EML4: variants seen among roughly 807,000 people sequenced by gnomAD.
EML4 encodes echinoderm microtubule-associated protein-like 4.
A neutral mutation model predicts 129.0 loss-of-function variants in EML4; 72 were observed. That is an observed-to-expected ratio of 0.56 (90% CI 0.46 to 0.68). EML4 has a LOEUF of 0.68. EML4 is among the 30% of genes least tolerant of loss of function. The pLI is 0.00. For synonymous variants in EML4, 532 were observed against 405.0 expected, an observed-to-expected ratio of 1.31 and a Z score of -3.77; for missense variants, 1,363 against 1,190.6, an observed-to-expected ratio of 1.14 and a Z score of -2.13.
intron 6 of EML4, among the ~76,000 whole-genome samples, chr2:42,268,042 T>A (rs544607832): frequency 1.3e-5 from 2 of 152,292 alleles, no homozygotes; most frequent in East Asian, 3.9e-4. Flanking sequence ...GGAAAATAGA[T>A]AACAATTTGA....
At chr2:42,305,642 C>A (rs1479171692) in intron 17 of EML4, among the ~76,000 whole-genome samples, 2 of 152,276 alleles carry the variant, frequency 1.3e-5, no homozygotes, top group Admixed American at 6.5e-5. Flanking sequence ...ATTTATATAT[C>A]TTTAATTGAC....
chr2:42,236,829 C>G (rs1193458199), intron 1 of EML4, among the ~76,000 whole-genome samples: 1 of 152,062 alleles, frequency 6.6e-6, no homozygotes, highest in East Asian at 1.9e-4. Flanking sequence ...TGTATGTTGT[C>G]ACACTTTACG....
At chr2:42,259,722 C>CTTTTTTTTTTTTTTTTT (rs780243101) in intron 3 of EML4, among the ~76,000 whole-genome samples, 2 of 98,346 alleles carry the variant, frequency 2.0e-5, no homozygotes, top group Admixed American at 1.3e-4. Flanking sequence ...TTCTTTCTTT[C>CTTTTTTTTTTTTTTTTT]TTTTTTTTTT....
intron 2 of EML4, among the ~76,000 whole-genome samples, chr2:42,246,497 A>G (rs960199702): frequency 5.9e-5 from 9 of 152,222 alleles, no homozygotes; most frequent in African/African-American, 1.7e-4. Flanking sequence ...TATAACTCCC[A>G]AATTCTAGCT....
intron 2 of EML4, among the ~76,000 whole-genome samples, chr2:42,254,566 A>G (rs1419693026): frequency 6.6e-6 from 1 of 152,150 alleles, no homozygotes; most frequent in African/African-American, 2.4e-5. Context: ...TAGAAAAACA[A>G]TAGAATCAGT....
Position 42,317,465 on chromosome 2 carries a change from A to G in EML4, c.2095A>G (p.Ile699Val), listed in dbSNP as rs762597617. 3 of 1,612,962 alleles carry G rather than the reference A, an allele frequency of 1.9e-6. No individual in the cohort carries two copies. The East Asian group carries it at 6.7e-5, about 36-fold the overall frequency. Residue 699 changes from isoleucine to valine, a missense_variant, in exon 19 of 23, where the codon ATT (isoleucine) becomes GTT (valine). Coordinates refer to ENST00000318522, the MANE Select transcript of EML4 (RefSeq NM_019063.5). ...FLAVGSHDNF[I>V]YLYVVSENGR... ...GGCTGTAGGATCTCATGACAACTTT[A>G]TTTACCTCTATGTAGTCTCTGAAAA...
At chr2:42,267,541 G>C (rs572076366) in intron 6 of EML4, among the ~76,000 whole-genome samples, 1 of 152,208 alleles carries the variant, frequency 6.6e-6, no homozygotes, top group African/African-American at 2.4e-5. Context: ...GGTACATTTA[G>C]GTGAGTGGTA....
intron 14 of EML4, among the ~76,000 whole-genome samples, chr2:42,302,839 T>TC (rs536909305): frequency 4.6e-5 from 7 of 152,250 alleles, no homozygotes; most frequent in Admixed American, 2.0e-4. Context: ...CAGCCTTTTT[T>TC]CCCTGTTCTT....
intron 1 of EML4, among the ~76,000 whole-genome samples, chr2:42,185,654 G>T (rs1017373230): frequency 6.6e-6 from 1 of 152,126 alleles, no homozygotes; most frequent in Non-Finnish European, 1.5e-5. Context: ...GGCAGGAGAG[G>T]ACCATATTAC....
intron 1 of EML4, among the ~76,000 whole-genome samples, chr2:42,190,491 T>A (rs1475012147): frequency 3.9e-5 from 6 of 152,176 alleles, no homozygotes; most frequent in Non-Finnish European, 5.9e-5. Context: ...TTGATCAACT[T>A]GGTAGTACTA....
At chr2:42,181,665 T>G (rs1313186712) in intron 1 of EML4, among the ~76,000 whole-genome samples, 1 of 152,208 alleles carries the variant, frequency 6.6e-6, no homozygotes, top group Non-Finnish European at 1.5e-5. Flanking sequence ...GACCCTGTTT[T>G]GGCAAGTAGA....
At position 42,260,398 on chromosome 2, in the gene EML4, C is replaced by G. The variant is rs545510992; in HGVS notation, c.339-723C>G. ...GCCTGGGCTGGTCTTGAATTCCTGA[C>G]CTCAGGTGATACTTGCCTCGCCCTC... On this transcript the variant is annotated intron_variant, in intron 3 of 22. Coordinates refer to ENST00000318522, the MANE Select transcript of EML4 (RefSeq NM_019063.5). Among the ~76,000 whole-genome samples, 7 of 152,280 alleles carry G rather than the reference C, an allele frequency of 4.6e-5. No homozygotes were observed. In the East Asian group the frequency reaches 1.4e-3, roughly 29 times the overall value.
intron 17 of EML4, among the ~76,000 whole-genome samples, chr2:42,314,588 C>G (rs958658022): frequency 2.0e-5 from 3 of 152,196 alleles, no homozygotes; most frequent in African/African-American, 7.2e-5. Flanking sequence ...TCTTCCTGCA[C>G]ACTGCACTAC....
At chr2:42,306,448 T>C (rs145625658) in intron 17 of EML4, among the ~76,000 whole-genome samples, 84 of 149,758 alleles carry the variant, frequency 5.6e-4, no homozygotes, top group South Asian at 4.3e-3. Context: ...GTAAGAGATA[T>C]CATTTATTCA....
chr2:42,265,636 G>A (rs1021997398), intron 6 of EML4, among the ~76,000 whole-genome samples: 4 of 151,812 alleles, frequency 2.6e-5, no homozygotes, highest in African/African-American at 7.3e-5. Context: ...TAAAATACTA[G>A]AGGGAGTTTT....
chr2:42,272,068 A>C (rs1390255998), intron 6 of EML4, among the ~76,000 whole-genome samples: 1 of 130,270 alleles, frequency 7.7e-6, no homozygotes, highest in Non-Finnish European at 1.6e-5. Flanking sequence ...GCACCACTGC[A>C]CTCCATCTCA....
chr2:42,185,899 T>C (rs924320314), intron 1 of EML4, among the ~76,000 whole-genome samples: 7 of 152,260 alleles, frequency 4.6e-5, no homozygotes, highest in African/African-American at 1.7e-4. Flanking sequence ...TTTTCTTCAG[T>C]AGTGGGATAG....
At chr2:42,234,283 A>G (rs971819092) in intron 1 of EML4, among the ~76,000 whole-genome samples, 10 of 152,260 alleles carry the variant, frequency 6.6e-5, no homozygotes, top group African/African-American at 2.4e-4. Flanking sequence ...CTCGGAATGT[A>G]AAGTATGTTG....
intron 1 of EML4, among the ~76,000 whole-genome samples, chr2:42,225,294 G>A (rs1673884167): frequency 6.6e-6 from 1 of 152,088 alleles, no homozygotes; most frequent in African/African-American, 2.4e-5. Context: ...TTTGTCATAT[G>A]GTAATCCTGT....
Sources: gnomAD v4.1 joint callset for allele counts (sites outside exome capture counted in the v4.1 genomes callset) on GRCh38, gnomAD v4.1.1 for gene constraint, MANE v1.5 for transcripts, NCBI Gene and HGNC (gene_info 2026-07-23, HGNC 2026-07-21) for gene names.